OTOG: variants seen among roughly 807,000 people sequenced by gnomAD.
OTOG encodes otogelin.
OTOG carries 296 observed loss-of-function variants against 313.8 expected under a neutral mutation model. That is an observed-to-expected ratio of 0.94 (90% CI 0.86 to 1.04). The LOEUF is 1.04. Among genes scored for constraint, OTOG ranks in the 50% least tolerant of loss-of-function variants. The pLI is 0.00. For missense variants in OTOG, 3,948 were observed against 3,840.1 expected (o/e 1.03, Z -0.74); for synonymous variants, 1,533 against 1,554.9 (o/e 0.99, Z 0.33).
At position 17,553,399 on chromosome 11, in the gene OTOG, C is replaced by A; in HGVS notation, c.420C>A (p.Cys140Ter). The A allele has an allele frequency of 6.8e-7, 1 of 1,464,906 alleles. No homozygotes were observed. Among genetic ancestry groups the A allele is most frequent in the Non-Finnish European group, 9.0e-7 (1 of 1,105,216 alleles). The allele number at this position is 1,464,906 out of a possible 1,614,324, so 90.7% of individuals were successfully genotyped here. ...YNAGPERDSI[C>*]RAWGQHHVET... Reference sequence around the variant, plus strand: ...CCGGCCCTGAGAGGGACAGCATTTGCCGGGCGTGGGGGCAGCACCACGTGG... The same window carrying A: ...CCGGCCCTGAGAGGGACAGCATTTGACGGGCGTGGGGGCAGCACCACGTGG... Residue 140 changes from cysteine to a stop codon, truncating the protein, a stop_gained, in exon 6 of 56, where the codon TGC becomes TGA. Transcript: ENST00000399397. LOFTEE classifies it high-confidence loss of function.
intron 15 of OTOG, among the ~76,000 whole-genome samples, chr11:17,568,603 G>A (rs112055506): frequency 6.6e-6 from 1 of 152,138 alleles, no homozygotes; most frequent in Non-Finnish European, 1.5e-5. Flanking sequence ...GCACATAGTT[G>A]GTGCTCAGTT....
chr11:17,645,528 C>A, intron 54 of OTOG, 36 bp from the exon 55 acceptor site: 1 of 1,545,060 alleles, frequency 6.5e-7, no homozygotes, highest in Non-Finnish European at 8.7e-7. Context: ...GAAGCCTGGT[C>A]TTGGCCACAG....
At chr11:17,555,668 T>A in intron 6 of OTOG, 111 bp from the exon 7 acceptor site, 1 of 781,302 alleles carries the variant, frequency 1.3e-6, no homozygotes, top group Non-Finnish European at 2.1e-6. Context: ...GGAAAGGCAG[T>A]TGGTATGCAG....
Position 17,629,048 on chromosome 11 carries a change from A to T in OTOG, c.6529-85A>T, listed in dbSNP as rs1052016185. The T allele has an allele frequency of 2.5e-5, 33 of 1,304,826 alleles. No individual in the cohort carries two copies. In the African/African-American group the frequency reaches 4.4e-4, roughly 17 times the overall value. The allele number at this position is 1,304,826 out of a possible 1,614,324, so 80.8% of individuals were successfully genotyped here. ...AGATGATGGGTGGATGGATGGATGG[A>T]TGAATGGATGGACGGACAGATGGAT... On this transcript the variant is annotated intron_variant, in intron 39 of 55. Coordinates refer to ENST00000399397, the MANE Select transcript of OTOG (RefSeq NM_001292063.2).
intron 23 of OTOG, among the ~76,000 whole-genome samples, chr11:17,579,819 C>T (rs1268604842): frequency 6.6e-6 from 1 of 152,188 alleles, no homozygotes; most frequent in Non-Finnish European, 1.5e-5. Context: ...CACAGAGACA[C>T]AGTGGAAGGG....
intron 9 of OTOG, 78 bp downstream of exon 9, chr11:17,558,393 C>A: frequency 6.5e-7 from 1 of 1,531,502 alleles, no homozygotes. Context: ...CTGGCTGTGG[C>A]ACCCCAGAAT....
chr11:17,557,554 C>T (rs148427098), intron 8 of OTOG, among the ~76,000 whole-genome samples: 329 of 152,242 alleles, frequency 2.2e-3, no homozygotes, highest in African/African-American at 7.6e-3. Flanking sequence ...GATAAGAATT[C>T]CCACTAGGGT....
intron 6 of OTOG, among the ~76,000 whole-genome samples, chr11:17,555,141 C>A (rs929186802): frequency 6.6e-6 from 1 of 152,098 alleles, no homozygotes; most frequent in Non-Finnish European, 1.5e-5. Flanking sequence ...CTCCCCTCTA[C>A]CCCACCCCGT....
At chr11:17,570,498 C>T (rs769153516) in intron 17 of OTOG, 108 bp downstream of exon 17, 69 of 1,001,868 alleles carry the variant, frequency 6.9e-5, no homozygotes, top group Non-Finnish European at 9.4e-5. Flanking sequence ...TCACTGTGCC[C>T]AGCATGCACC....
rs1408794529 is a variant in OTOG, at chr11:17,583,579, CT to C, written c.2760-2893del. 1.4e-4 allele frequency among the ~76,000 whole-genome samples: 22 copies of C among 152,196 alleles called. No homozygotes were observed. In the East Asian group the frequency reaches 4.2e-3, roughly 29 times the overall value. On this transcript the variant is annotated intron_variant, in intron 23 of 55. Transcript: ENST00000399397. ...AGCCCTATTTTTTAAAAAACACTTT[CT>C]TCTCCCCATGTAATTGCTTTGGCAT...
At chr11:17,629,378 A>C in intron 40 of OTOG, 62 bp downstream of exon 40, 1 of 1,466,626 alleles carries the variant, frequency 6.8e-7, no homozygotes, top group Non-Finnish European at 9.1e-7. Context: ...GCCCCCACAC[A>C]TAATTCCTCC....
chr11:17,559,037 G>A lies in OTOG; in HGVS notation c.1104-15G>A. ...TGGGTTTTGTTCCAGTGTGACCCTT[G>A]GTTTCTCTGCACAGATCAATGGGTG... On this transcript the variant is annotated splice_polypyrimidine_tract_variant and intron_variant, in intron 10 of 55. Transcript: ENST00000399397. 6.5e-7 allele frequency: 1 copy of A among 1,543,834 alleles called. No homozygotes were observed. The highest frequency in any genetic ancestry group is 1.2e-5 in the South Asian group (1 of 83,908).
chr11:17,558,889 C>T (rs952675478), intron 10 of OTOG, among the ~76,000 whole-genome samples, 163 bp from the exon 11 acceptor site: 1 of 152,254 alleles, frequency 6.6e-6, no homozygotes, highest in Non-Finnish European at 1.5e-5. Context: ...GGATTTATAG[C>T]TCAAGTCTAG....
intron 29 of OTOG, among the ~76,000 whole-genome samples, chr11:17,596,445 T>C (rs1326539337): frequency 6.6e-6 from 1 of 152,240 alleles, no homozygotes; most frequent in Non-Finnish European, 1.5e-5. Context: ...AAAGCCCTCA[T>C]GCTGAGGCAC....
intron 15 of OTOG, among the ~76,000 whole-genome samples, chr11:17,564,695 A>G (rs999840693): frequency 1.3e-5 from 2 of 152,218 alleles, no homozygotes; most frequent in East Asian, 3.8e-4. Context: ...AAATATTTGC[A>G]CAGTGCCTTG....
chr11:17,629,414 TA>T, intron 40 of OTOG, 98 bp downstream of exon 40: 1 of 1,331,710 alleles, frequency 7.5e-7, no homozygotes, highest in Non-Finnish European at 1.0e-6. Flanking sequence ...TGGGACAGAA[TA>T]CCAGGCCAGA....
At position 17,609,678 on chromosome 11, in the gene OTOG, C is replaced by T. The variant is rs1853475508; in HGVS notation, c.4378C>T (p.Pro1460Ser). 1.3e-6 allele frequency: 2 copies of T among 1,499,218 alleles called. No homozygotes were observed. Among genetic ancestry groups the T allele is most frequent in the Non-Finnish European group, 8.9e-7 (1 of 1,121,302 alleles). 92.9% of individuals were successfully genotyped at this position (1,499,218 alleles called of 1,614,324 possible). A position where few individuals can be genotyped will look rare whatever the true frequency, so the allele number is the denominator to read the frequency against. ...EDCVEPAVWV[P>S]TEALGNETLP... ...AGGTGTGGAGCCAGCAGTTTGGGTT[C>T]CCACAGAGGCCCTTGGCAATGAGAC... The change falls in exon 36 of 56, where the codon CCC becomes TCC. Residue 1460 changes from proline to serine, a missense_variant. Transcript: ENST00000399397.
intron 6 of OTOG, among the ~76,000 whole-genome samples, chr11:17,555,017 C>A (rs1852022600): frequency 6.6e-6 from 1 of 152,176 alleles, no homozygotes. Flanking sequence ...TTCACAGTTC[C>A]CACTTGTAGT....
intron 23 of OTOG, 88 bp downstream of exon 23, chr11:17,578,614 A>G: frequency 7.0e-7 from 1 of 1,423,138 alleles, no homozygotes; most frequent in South Asian, 1.5e-5. Context: ...GGAAAACATC[A>G]CATGGCCTTG....
Sources: allele counts gnomAD v4.1 joint callset (sites outside exome capture counted in the v4.1 genomes callset), GRCh38; gene constraint gnomAD v4.1.1; transcripts MANE v1.5; gene names NCBI Gene and HGNC (gene_info 2026-07-23, HGNC 2026-07-21).